Variants in UNC79 observed in about 807,000 individuals in gnomAD.
The protein encoded by UNC79 is unc-79 subunit of NALCN channel complex, also known as protein unc-79 homolog.
In UNC79, 37 loss-of-function variants were observed where a neutral mutation model predicts 283.1. The observed-to-expected ratio is 0.13, with a 90% CI of 0.10 to 0.17. UNC79 has a LOEUF of 0.17. Among genes scored for constraint, UNC79 ranks in the 10% least tolerant of loss-of-function variants. The pLI, the probability that UNC79 is intolerant of heterozygous loss-of-function variation, is 1.00. For missense variants in UNC79, 2,272 were observed against 3,211.1 expected (o/e 0.71, Z 7.07); for synonymous variants, 1,107 against 1,200.2 (o/e 0.92, Z 1.61).
chr14:93,527,222 G>T (rs1324061574), intron 8 of UNC79, among the ~76,000 whole-genome samples: 1 of 152,184 alleles, frequency 6.6e-6, no homozygotes, highest in Admixed American at 6.5e-5. Flanking sequence ...GCAAACTATG[G>T]CCCAGAGCCA....
intron 12 of UNC79, among the ~76,000 whole-genome samples, chr14:93,538,851 T>G (rs139358914): frequency 6.7e-6 from 1 of 150,158 alleles, no homozygotes; most frequent in African/African-American, 2.4e-5. Context: ...ACCCTTCCTC[T>G]CTTTTTGTCT....
Position 93,691,673 on chromosome 14 carries a change from G to A in UNC79, c.7273-76G>A, listed in dbSNP as rs2074710536. ...CCCTGTGCTCCCTGGCAAGACCAAA[G>A]CCATGCGGGAGGACTCCGTGGAGGG... On this transcript the variant is annotated intron_variant, in intron 45 of 48. Coordinates refer to ENST00000555664, the Ensembl canonical transcript of UNC79. The A allele has an allele frequency of 4.6e-6, 7 of 1,535,956 alleles. No individual in the cohort carries two copies. In the South Asian group the frequency reaches 7.8e-5, roughly 17 times the overall value.
At chr14:93,593,588 G>A (rs2064848716) in intron 22 of UNC79, 92 bp from the exon 23 acceptor site, 5 of 1,482,358 alleles carry the variant, frequency 3.4e-6, no homozygotes, top group Non-Finnish European at 3.6e-6. Context: ...CCACCGTCTT[G>A]TAACTACTCT....
intron 1 of UNC79, among the ~76,000 whole-genome samples, chr14:93,435,792 T>A (rs185225012): frequency 6.6e-6 from 1 of 152,334 alleles, no homozygotes; most frequent in Admixed American, 6.5e-5. Flanking sequence ...CTGCTTTACC[T>A]CTTCAATGCA....
chr14:93,704,764 T>C, intron 48 of UNC79, 98 bp downstream of exon 51: 3 of 1,460,250 alleles, frequency 2.1e-6, no homozygotes, highest in Non-Finnish European at 2.9e-6. Flanking sequence ...TGGAGAAGGA[T>C]GAATTCAACC....
At chr14:93,536,048 GC>G (rs1235329569) in intron 11 of UNC79, among the ~76,000 whole-genome samples, 1 of 150,042 alleles carries the variant, frequency 6.7e-6, no homozygotes, top group Non-Finnish European at 1.5e-5. Flanking sequence ...TTTGGGCTTG[GC>G]TCCTTAAGTA....
intron 7 of UNC79, among the ~76,000 whole-genome samples, chr14:93,521,913 G>T (rs2060339271): frequency 6.6e-6 from 1 of 150,904 alleles, no homozygotes; most frequent in African/African-American, 2.4e-5. Context: ...TGATTCAGAA[G>T]ATCTAACATT....
chr14:93,491,991 T>C (rs973565178), intron 5 of UNC79, among the ~76,000 whole-genome samples: 10 of 152,210 alleles, frequency 6.6e-5, no homozygotes, highest in African/African-American at 2.2e-4. Flanking sequence ...TGAATTTTTA[T>C]TGGAAGAAGC....
intron 1 of UNC79, among the ~76,000 whole-genome samples, chr14:93,460,243 C>T (rs2056920011): frequency 1.5e-5 from 2 of 135,214 alleles, no homozygotes; most frequent in East Asian, 2.3e-4. Context: ...AGTGCAGTGG[C>T]TTACGCCTGT....
chr14:93,413,065 G>A (rs967111572), intron 1 of UNC79, among the ~76,000 whole-genome samples: 5 of 151,716 alleles, frequency 3.3e-5, no homozygotes, highest in Admixed American at 1.3e-4. Flanking sequence ...TAAGTTTTAC[G>A]GTACATGTGC....
intron 14 of UNC79, among the ~76,000 whole-genome samples, chr14:93,545,045 C>T (rs1431873660): frequency 6.6e-6 from 1 of 152,012 alleles, no homozygotes; most frequent in Non-Finnish European, 1.5e-5. Flanking sequence ...TTTTAGTTCT[C>T]AGTGGTGCCA....
At chr14:93,334,547 A>G (rs923092450) in intron 1 of UNC79, 2 of 152,212 alleles carry the variant, frequency 1.3e-5, no homozygotes, top group Non-Finnish European at 1.5e-5. Context: ...CTCTTGTTCC[A>G]CACTTTTATA....
chr14:93,492,802 A>G (rs987066835), intron 5 of UNC79, among the ~76,000 whole-genome samples: 4 of 152,242 alleles, frequency 2.6e-5, no homozygotes, highest in African/African-American at 9.6e-5. Flanking sequence ...GACACTATGT[A>G]CAAGAAAGTG....
At chr14:93,506,368 A>C (rs2059541862) in intron 7 of UNC79, among the ~76,000 whole-genome samples, 1 of 151,972 alleles carries the variant, frequency 6.6e-6, no homozygotes, top group Non-Finnish European at 1.5e-5. Flanking sequence ...GATTACAGGC[A>C]CCTGCCACCA....
At chr14:93,455,944 G>GTA (rs61507138) in intron 1 of UNC79, among the ~76,000 whole-genome samples, 24 of 149,890 alleles carry the variant, frequency 1.6e-4, no homozygotes, top group African/African-American at 5.9e-4. Flanking sequence ...GTGTGTGTGT[G>GTA]TATGTGTGTG....
At chr14:93,660,520 C>CAT (rs57703735) in intron 39 of UNC79, among the ~76,000 whole-genome samples, 1,457 of 48,420 alleles carry the variant, frequency 0.03, 22 homozygotes, top group Non-Finnish European at 0.041. Context: ...AAGACAATAG[C>CAT]ATATATATAT....
intron 40 of UNC79, among the ~76,000 whole-genome samples, chr14:93,668,265 A>G (rs2072436105): frequency 6.6e-6 from 1 of 152,214 alleles, no homozygotes; most frequent in Non-Finnish European, 1.5e-5. Flanking sequence ...GAATCTATAG[A>G]CAGCTTTTTA....
intron 4 of UNC79, among the ~76,000 whole-genome samples, chr14:93,479,966 C>CTAATTCACTAAT (rs2058040941): frequency 6.6e-6 from 1 of 152,164 alleles, no homozygotes; most frequent in Non-Finnish European, 1.5e-5. Flanking sequence ...TTCACTAAAT[C>CTAATTCACTAAT]CCTCCTTCTT....
intron 27 of UNC79, 141 bp from the exon 29 acceptor site, chr14:93,616,981 A>G (rs547850206): frequency 1.9e-4 from 127 of 683,268 alleles, no homozygotes; most frequent in Non-Finnish European, 2.8e-4. Context: ...ACTAGCCATT[A>G]CTTTTAATAT....
Sources: gnomAD v4.1 joint callset for allele counts (sites outside exome capture counted in the v4.1 genomes callset) on GRCh38, gnomAD v4.1.1 for gene constraint, MANE v1.5 for transcripts, NCBI Gene and HGNC (gene_info 2026-07-23, HGNC 2026-07-21) for gene names.